Variants in ZBTB40 observed in about 807,000 individuals in gnomAD.
The protein encoded by ZBTB40 is zinc finger and BTB domain-containing protein 40.
A neutral mutation model predicts 117.5 loss-of-function variants in ZBTB40; 60 were observed. That is an observed-to-expected ratio of 0.51 (90% CI 0.41 to 0.63). The LOEUF (loss-of-function observed/expected upper bound fraction) is 0.63, where lower values mean the gene tolerates loss of function less well. ZBTB40 is among the 30% of genes least tolerant of loss of function. The probability of loss-of-function intolerance (pLI) is 0.00; values close to 1 mark genes in which losing one functional copy is unlikely to be tolerated. For synonymous variants in ZBTB40, 525 were observed against 577.1 expected (o/e 0.91, Z 1.29); for missense variants, 1,287 against 1,498.5 (o/e 0.86, Z 2.33).
At chr1:22,430,798 C>T (rs908417222) in intron 1 of ZBTB40, among the ~76,000 whole-genome samples, 1 of 152,092 alleles carries the variant, frequency 6.6e-6, no homozygotes, top group Non-Finnish European at 1.5e-5. Flanking sequence ...ATTGTCCTTA[C>T]CCCATGGGTT....
chr1:22,467,933 C>A (rs1176130500), intron 1 of ZBTB40, among the ~76,000 whole-genome samples: 1 of 151,526 alleles, frequency 6.6e-6, no homozygotes, highest in Non-Finnish European at 1.5e-5. Flanking sequence ...GTCTACAAAT[C>A]AAAAAATTAG....
chr1:22,518,900 G>T (rs1403193084), intron 13 of ZBTB40, among the ~76,000 whole-genome samples: 1 of 152,176 alleles, frequency 6.6e-6, no homozygotes, highest in Non-Finnish European at 1.5e-5. Context: ...GTCAGGAAAG[G>T]GGAAGACGTT....
intron 15 of ZBTB40, 132 bp downstream of exon 15, chr1:22,521,790 G>A (rs975860307): frequency 7.6e-6 from 10 of 1,322,878 alleles, no homozygotes; most frequent in African/African-American, 2.9e-5. Flanking sequence ...CTGCCCCAGC[G>A]CACCTGTCCG....
intron 1 of ZBTB40, among the ~76,000 whole-genome samples, chr1:22,460,639 C>T (rs1348569875): frequency 6.6e-6 from 1 of 152,122 alleles, no homozygotes; most frequent in Non-Finnish European, 1.5e-5. Flanking sequence ...TTGTTAACTT[C>T]ATTTTACCCT....
chr1:22,465,579 C>G (rs750224662), intron 1 of ZBTB40, among the ~76,000 whole-genome samples: 14 of 152,286 alleles, frequency 9.2e-5, no homozygotes, highest in South Asian at 2.1e-4. Flanking sequence ...GGGACTCTGT[C>G]TGCCTGCTGT....
At chr1:22,480,442 T>C (rs1485296201) in intron 1 of ZBTB40, among the ~76,000 whole-genome samples, 1 of 152,244 alleles carries the variant, frequency 6.6e-6, no homozygotes, top group African/African-American at 2.4e-5. Context: ...ATAGATTTAC[T>C]TTTCACATCC....
At chr1:22,467,548 C>T (rs191017661) in intron 1 of ZBTB40, among the ~76,000 whole-genome samples, 43 of 152,292 alleles carry the variant, frequency 2.8e-4, no homozygotes, top group African/African-American at 9.9e-4. Flanking sequence ...AATCTCTGCT[C>T]ACTGCAATCT....
intron 1 of ZBTB40, among the ~76,000 whole-genome samples, chr1:22,433,972 T>C (rs1245245505): frequency 1.3e-5 from 2 of 152,108 alleles, no homozygotes; most frequent in Non-Finnish European, 2.9e-5. Context: ...TGCAGGTATG[T>C]ATAAAATCCC....
At chr1:22,477,429 TA>T (rs1641576612) in intron 1 of ZBTB40, among the ~76,000 whole-genome samples, 1 of 152,106 alleles carries the variant, frequency 6.6e-6, no homozygotes, top group Admixed American at 6.5e-5. Flanking sequence ...GGTGGGCAGA[TA>T]ATGAGGTCAA....
At chr1:22,476,814 A>G (rs992220752) in intron 1 of ZBTB40, among the ~76,000 whole-genome samples, 9 of 151,894 alleles carry the variant, frequency 5.9e-5, no homozygotes, top group African/African-American at 1.9e-4. Context: ...ACCTTTGACA[A>G]TTTTTTCGAG....
At chr1:22,490,790 A>G in intron 2 of ZBTB40, 145 bp downstream of exon 2, 1 of 918,520 alleles carries the variant, frequency 1.1e-6, no homozygotes, top group East Asian at 2.6e-5. Flanking sequence ...TTCTTTTAAA[A>G]GTGTCTGTGT....
chr1:22,480,599 C>T (rs1222281388), intron 1 of ZBTB40, among the ~76,000 whole-genome samples: 2 of 152,152 alleles, frequency 1.3e-5, no homozygotes, highest in Non-Finnish European at 2.9e-5. Context: ...ATCTGCCCGC[C>T]TCGGCCTCCC....
At chr1:22,432,328 G>A (rs7536791) in intron 1 of ZBTB40, among the ~76,000 whole-genome samples, 37,062 of 152,062 alleles carry the variant, frequency 0.24, 5,660 homozygotes, top group African/African-American at 0.41. Flanking sequence ...CAACCTTGGG[G>A]TGGGTTGGGG....
At chr1:22,460,233 G>T (rs143086582) in intron 1 of ZBTB40, among the ~76,000 whole-genome samples, 1 of 152,166 alleles carries the variant, frequency 6.6e-6, no homozygotes, top group Non-Finnish European at 1.5e-5. Context: ...GAAGGTGGGT[G>T]AAAGAGTGAG....
At chr1:22,432,275 C>A (rs1345436233) in intron 1 of ZBTB40, among the ~76,000 whole-genome samples, 1 of 152,174 alleles carries the variant, frequency 6.6e-6, no homozygotes, top group Non-Finnish European at 1.5e-5. Context: ...ACTCCAGCAT[C>A]CTGTGGGCTA....
rs371686684 is a variant in ZBTB40 at position 22,436,283 on chromosome 1, A to G, written c.-70+7269A>G. Among the ~76,000 whole-genome samples the G allele has an allele frequency of 3.5e-4, 54 of 152,252 alleles. No homozygotes were observed. In the Middle Eastern group the frequency reaches 0.014, roughly 39 times the overall value. On this transcript the variant is annotated intron_variant, in intron 1 of 8. Coordinates refer to the ZBTB40 transcript ENST00000650433. ...TCCCAGCACTTTGGGAGGGCGAGGC[A>G]GGTGGATCACGAGGTCAGGAGGTCG...
Position 22,508,703 on chromosome 1 carries a change from G to T in ZBTB40, c.1671G>T (p.Glu557Asp). 6.2e-7 allele frequency: 1 copy of T among 1,614,048 alleles called. No homozygotes were observed. Among genetic ancestry groups the T allele is most frequent in the Non-Finnish European group, 8.5e-7 (1 of 1,180,036 alleles). ...TGCTCATGGAGGAAATACGAAGGGAGCCTGGTGCCGATGCTTTCTTCCGGG... is the reference window on the plus strand; with the variant it reads ...TGCTCATGGAGGAAATACGAAGGGATCCTGGTGCCGATGCTTTCTTCCGGG... ...LDLLMEEIRR[E>D]PGADAFFRAV... The change falls in exon 8 of 18, where the codon GAG (glutamate) becomes GAT (aspartate). Residue 557 changes from glutamate (E) to aspartate (D), a missense_variant. Physicochemically the swap from Glu to Asp is conservative, Grantham distance 45. This residue lies in a region of ZBTB40 where 870 missense variants were observed against 934.4 expected (regional missense o/e 0.93). Coordinates refer to ENST00000375647, the MANE Select transcript of ZBTB40 (RefSeq NM_014870.4).
intron 1 of ZBTB40, among the ~76,000 whole-genome samples, chr1:22,479,629 C>T (rs1366198164): frequency 6.6e-6 from 1 of 152,040 alleles, no homozygotes; most frequent in Admixed American, 6.5e-5. Context: ...ATTCTTAAAA[C>T]TCATTCTTTA....
chr1:22,455,922 C>T (rs1349560022), intron 1 of ZBTB40, among the ~76,000 whole-genome samples: 1 of 152,064 alleles, frequency 6.6e-6, no homozygotes, highest in African/African-American at 2.4e-5. Context: ...ATTAGTATGC[C>T]CTGTTGCCTC....
Sources: allele counts gnomAD v4.1 joint callset (sites outside exome capture counted in the v4.1 genomes callset), GRCh38; gene constraint gnomAD v4.1.1; regional missense constraint gnomAD v4.1.1; transcripts MANE v1.5; gene names NCBI Gene and HGNC (gene_info 2026-07-23, HGNC 2026-07-21).